CSRNP3: variants seen among roughly 807,000 people sequenced by gnomAD.
The protein encoded by CSRNP3 is cysteine/serine-rich nuclear protein 3.
Under a neutral mutation model 48.0 loss-of-function variants are expected in CSRNP3, and 12 were observed. The observed-to-expected ratio is 0.25, with a 90% CI of 0.16 to 0.41. The LOEUF is 0.41. Among genes scored for constraint, CSRNP3 ranks in the 10% least tolerant of loss-of-function variants. The pLI, the probability that CSRNP3 is intolerant of heterozygous loss-of-function variation, is 1.00. For synonymous variants in CSRNP3, 263 were observed against 269.7 expected, an observed-to-expected ratio of 0.98 and a Z score of 0.24; for missense variants, 580 against 724.4, an observed-to-expected ratio of 0.80 and a Z score of 2.29.
At chr2:165,579,212 T>C (rs1279797446) in intron 3 of CSRNP3, among the ~76,000 whole-genome samples, 1 of 152,156 alleles carries the variant, frequency 6.6e-6, no homozygotes, top group Non-Finnish European at 1.5e-5. Flanking sequence ...AGGATTTTAT[T>C]GGAGGTTATC....
At chr2:165,603,418 C>T (rs367617160) in intron 4 of CSRNP3, among the ~76,000 whole-genome samples, 2 of 152,266 alleles carry the variant, frequency 1.3e-5, no homozygotes, top group African/African-American at 4.8e-5. Context: ...ATGTCTGCAA[C>T]CTCACCCACA....
intron 3 of CSRNP3, among the ~76,000 whole-genome samples, chr2:165,545,934 T>G (rs552802086): frequency 6.6e-6 from 1 of 152,290 alleles, no homozygotes; most frequent in African/African-American, 2.4e-5. Context: ...AAACACTCTA[T>G]AATGCAGAAC....
At chr2:165,673,391 G>A (rs944288665) in intron 5 of CSRNP3, among the ~76,000 whole-genome samples, 2 of 151,752 alleles carry the variant, frequency 1.3e-5, no homozygotes, top group Non-Finnish European at 2.9e-5. Flanking sequence ...GCCTGCCTCC[G>A]TCTACCAAAG....
At chr2:165,498,980 C>G (rs1251631204) in intron 2 of CSRNP3, among the ~76,000 whole-genome samples, 1 of 152,134 alleles carries the variant, frequency 6.6e-6, no homozygotes, top group Admixed American at 6.6e-5. Flanking sequence ...TTTCATCTGA[C>G]AGTGTAATTT....
chr2:165,510,372 T>C (rs1407557758), intron 2 of CSRNP3, among the ~76,000 whole-genome samples: 1 of 152,162 alleles, frequency 6.6e-6, no homozygotes, highest in Non-Finnish European at 1.5e-5. Flanking sequence ...GACTCATATA[T>C]ATTTATTTTT....
chr2:165,613,943 A>T (rs1479414055), intron 4 of CSRNP3, among the ~76,000 whole-genome samples: 2 of 151,612 alleles, frequency 1.3e-5, no homozygotes, highest in Admixed American at 6.6e-5. Flanking sequence ...GAAGAATGTC[A>T]TTGGTGTTTG....
At chr2:165,573,422 T>C (rs1262751385) in intron 3 of CSRNP3, among the ~76,000 whole-genome samples, 2 of 152,236 alleles carry the variant, frequency 1.3e-5, no homozygotes, top group Admixed American at 6.5e-5. Context: ...CTTCCATTTA[T>C]GAGCAATAGA....
intron 5 of CSRNP3, among the ~76,000 whole-genome samples, chr2:165,672,292 C>A (rs1393209118): frequency 6.6e-6 from 1 of 152,144 alleles, no homozygotes; most frequent in East Asian, 1.9e-4. Context: ...ATGCTGTTGG[C>A]AAAGACATAC....
In CSRNP3 at chr2:165,678,878, A is replaced by T. The variant is rs748230804; in HGVS notation, c.883A>T (p.Ile295Leu). 1.9e-6 allele frequency: 3 copies of T among 1,614,028 alleles called. No individual in the cohort carries two copies. The highest frequency in any genetic ancestry group is 1.1e-5 in the South Asian group (1 of 91,078). The change falls in exon 7 of 7, where the codon ATA becomes TTA. Residue 295 changes from isoleucine (I) to leucine (L), a missense_variant. Physicochemically the swap from Ile to Leu is conservative, Grantham distance 5. Coordinates refer to ENST00000651982, the MANE Select transcript of CSRNP3 (RefSeq NM_001172173.2). ...IPTLNGCHSE[I>L]SAHSSSMGPV... ...CACGCTGAATGGCTGCCACAGTGAG[A>T]TAAGTGCTCACAGTAGTTCTATGGG...
chr2:165,674,048 T>TAAAAA (rs1451022628), intron 5 of CSRNP3, among the ~76,000 whole-genome samples: 1 of 151,810 alleles, frequency 6.6e-6, no homozygotes, highest in Non-Finnish European at 1.5e-5. Flanking sequence ...TAAAATAAAA[T>TAAAAA]AAAAATAAAT....
chr2:165,657,960 C>A lies in CSRNP3; in HGVS notation c.348C>A (p.Leu116=). The A allele has an allele frequency of 1.2e-6, 2 of 1,613,960 alleles. No individual in the cohort carries two copies. Among genetic ancestry groups the A allele is most frequent in the Non-Finnish European group, 1.7e-6 (2 of 1,179,978 alleles). ...LGEFAREQER[L]HREMLREHLR... The stretch of plus-strand genomic sequence containing the variant: ...AGTTTGCAAGGGAGCAGGAGAGGCT[C>A]CACCGGGAGATGTTGAGAGAACACC... Residue 116 remains leucine (L), a synonymous_variant, in exon 5 of 7, where the codon CTC becomes CTA. Transcript: ENST00000651982.
chr2:165,493,886 T>A (rs568777691), intron 1 of CSRNP3, among the ~76,000 whole-genome samples: 1 of 152,216 alleles, frequency 6.6e-6, no homozygotes, highest in Admixed American at 6.5e-5. Flanking sequence ...CCCAACTTAC[T>A]TATCGAGGTT....
intron 3 of CSRNP3, among the ~76,000 whole-genome samples, chr2:165,530,193 C>T (rs532054432): frequency 1.3e-5 from 2 of 152,054 alleles, no homozygotes; most frequent in East Asian, 3.9e-4. Context: ...CTCAGAACTA[C>T]AAAAGTCCTT....
chr2:165,585,212 GTTT>G (rs35019068), intron 3 of CSRNP3, among the ~76,000 whole-genome samples: 4 of 143,128 alleles, frequency 2.8e-5, no homozygotes, highest in African/African-American at 1.0e-4. Context: ...AGCATAATGT[GTTT>G]TTTTTTTTTT....
intron 6 of CSRNP3, among the ~76,000 whole-genome samples, 157 bp from the exon 7 acceptor site, chr2:165,678,544 C>T (rs759178347): frequency 6.6e-6 from 1 of 152,088 alleles, no homozygotes; most frequent in Non-Finnish European, 1.5e-5. Context: ...CTCACTTTCC[C>T]CTTTTCATTT....
At chr2:165,483,224 G>A (rs1297823622) in intron 1 of CSRNP3, among the ~76,000 whole-genome samples, 50 of 151,968 alleles carry the variant, frequency 3.3e-4, no homozygotes, top group Admixed American at 3.2e-3. Flanking sequence ...AAACTTGCCT[G>A]GTAACAACAC....
intron 3 of CSRNP3, among the ~76,000 whole-genome samples, chr2:165,560,653 C>T (rs931104324): frequency 4.6e-5 from 7 of 152,106 alleles, no homozygotes; most frequent in African/African-American, 1.7e-4. Context: ...GCATTTGCTA[C>T]CAAATGGAGT....
intron 4 of CSRNP3, among the ~76,000 whole-genome samples, chr2:165,630,503 G>A (rs970883021): frequency 6.6e-6 from 1 of 152,190 alleles, no homozygotes; most frequent in Non-Finnish European, 1.5e-5. Context: ...ACTGCAGTGA[G>A]TGGTGGACTC....
intron 4 of CSRNP3, among the ~76,000 whole-genome samples, chr2:165,645,983 G>A (rs2105337946): frequency 6.6e-6 from 1 of 152,100 alleles, no homozygotes; most frequent in Non-Finnish European, 1.5e-5. Context: ...GAACTCAAGT[G>A]ATCCACCTGC....
Sources: gnomAD v4.1 joint callset for allele counts (sites outside exome capture counted in the v4.1 genomes callset) on GRCh38, gnomAD v4.1.1 for gene constraint, MANE v1.5 for transcripts, NCBI Gene and HGNC (gene_info 2026-07-23, HGNC 2026-07-21) for gene names.